The following SPOPL variants were observed in gnomAD, a reference collection of about 807,000 sequenced individuals.
SPOPL encodes speckle-type POZ protein-like.
SPOPL carries 23 observed loss-of-function variants against 53.8 expected under a neutral mutation model. The ratio of observed to expected loss-of-function variants is 0.43; its 90% CI spans 0.31 to 0.61. The LOEUF (loss-of-function observed/expected upper bound fraction) is 0.61. SPOPL is among the 20% of genes least tolerant of loss of function. The pLI is 0.12. For synonymous variants in SPOPL, 164 were observed against 149.7 expected (o/e 1.10, Z -0.70); for missense variants, 442 against 466.9 (o/e 0.95, Z 0.49).
At chr2:138,517,167 T>G (rs921160331) in intron 1 of SPOPL, among the ~76,000 whole-genome samples, 4 of 152,232 alleles carry the variant, frequency 2.6e-5, no homozygotes, top group Non-Finnish European at 5.9e-5. Flanking sequence ...GGAAATAAAT[T>G]ACATAATTTT....
chr2:138,518,431 T>C (rs1255859277), intron 1 of SPOPL, among the ~76,000 whole-genome samples: 1 of 152,214 alleles, frequency 6.6e-6, no homozygotes, highest in Non-Finnish European at 1.5e-5. Context: ...AGTGAAGAAT[T>C]ATTCTCTTTC....
Position 138,564,942 on chromosome 2 carries a change from G to C in SPOPL, c.983G>C (p.Cys328Ser). ...KAQAIDFINR[C>S]SVLRQLGCKD... ...GTATGTTTAAATCTTCAATGCAGGT[G>C]CAGTGTACTTCGACAACTTGGGTGT... The change falls in exon 10 of 11, where the codon TGC becomes TCC. Residue 328 changes from cysteine to serine, a missense_variant and splice_region_variant. Cys to Ser is a moderately radical substitution (Grantham distance 112). Transcript: ENST00000280098. 1 of 1,614,078 alleles carries C rather than the reference G, an allele frequency of 6.2e-7. No individual in the cohort carries two copies. Among genetic ancestry groups the C allele is most frequent in the Non-Finnish European group, 8.5e-7 (1 of 1,180,000 alleles).
In SPOPL at chr2:138,563,080, A is replaced by G. The variant is rs187868491; in HGVS notation, c.838-1628A>G. ...GAATATATCTGACTTTTGTATTCAG[A>G]CTATATAAAGAATTCTCAAAACTCA... On this transcript the variant is annotated intron_variant, in intron 8 of 10. Coordinates refer to ENST00000280098, the MANE Select transcript of SPOPL (RefSeq NM_001001664.3). Among the ~76,000 whole-genome samples, 45 of 152,366 alleles carry G rather than the reference A, an allele frequency of 3.0e-4. 1 individual carries two copies. The highest frequency in any genetic ancestry group is 2.5e-3 in the Admixed American group (38 of 15,306).
intron 5 of SPOPL, among the ~76,000 whole-genome samples, chr2:138,555,131 G>GGAGTGT (rs1553471470): frequency 7.1e-6 from 1 of 140,090 alleles, no homozygotes; most frequent in Non-Finnish European, 1.5e-5. Flanking sequence ...AGGGTAGGAG[G>GGAGTGT]GTGTGTGTGT....
chr2:138,523,264 A>T (rs1375385324), intron 1 of SPOPL, among the ~76,000 whole-genome samples: 1 of 152,188 alleles, frequency 6.6e-6, no homozygotes, highest in Non-Finnish European at 1.5e-5. Context: ...TTTTAAAACC[A>T]TGAGATCTCA....
rs7598316 is a variant in SPOPL at position 138,569,485 on chromosome 2, A to G, written c.*405A>G. On this transcript the variant is annotated 3_prime_UTR_variant, in exon 11 of 11. Transcript: ENST00000280098. ...AAATGAATTTTATAGGGTTTGTCCT[A>G]TGCTATCTCAAAGTTTAAGTTCTCT... 18,881 of 155,436 alleles carry G rather than the reference A, an allele frequency of 0.12. 1,560 individuals carry two copies. The highest frequency in any genetic ancestry group is 0.23 in the African/African-American group (9,397 of 41,586). 9.6% of individuals were successfully genotyped at this position (155,436 alleles called of 1,614,324 possible).
chr2:138,546,340 C>T (rs1013353324), intron 1 of SPOPL, among the ~76,000 whole-genome samples: 3 of 152,154 alleles, frequency 2.0e-5, no homozygotes, highest in Non-Finnish European at 4.4e-5. Flanking sequence ...GTGTTTTTCT[C>T]TAGATCTTAG....
At chr2:138,562,187 G>A in intron 8 of SPOPL, among the ~76,000 whole-genome samples, 1 of 147,792 alleles carries the variant, frequency 6.8e-6, no homozygotes, top group Non-Finnish European at 1.5e-5. Context: ...TTCAGAAGTT[G>A]ACAAGCTGAT....
chr2:138,556,884 C>T (rs972153484), intron 5 of SPOPL, among the ~76,000 whole-genome samples: 1 of 152,128 alleles, frequency 6.6e-6, no homozygotes, highest in Non-Finnish European at 1.5e-5. Context: ...GGGCCAGGCA[C>T]GGTGGCTCAC....
At chr2:138,566,587 T>C (rs1479132994) in intron 10 of SPOPL, among the ~76,000 whole-genome samples, 1 of 152,210 alleles carries the variant, frequency 6.6e-6, no homozygotes, top group Non-Finnish European at 1.5e-5. Flanking sequence ...TTACTTTTAA[T>C]GGCAAAAACC....
intron 1 of SPOPL, among the ~76,000 whole-genome samples, chr2:138,523,893 G>A (rs1055762813): frequency 4.6e-5 from 7 of 152,210 alleles, no homozygotes; most frequent in Non-Finnish European, 7.4e-5. Context: ...CCAGGCGCAC[G>A]GTACAAACTG....
chr2:138,543,237 A>G lies in SPOPL; in HGVS notation c.-60-6920A>G, dbSNP rs555777589. 7.2e-5 allele frequency among the ~76,000 whole-genome samples: 11 copies of G among 152,146 alleles called. No individual in the cohort carries two copies. In the East Asian group the frequency reaches 1.9e-3, roughly 27 times the overall value. Reference sequence around the variant, plus strand: ...CTTGGAGTTGCTCTTCTCGAGGAGTATCTTTGTGGCATTCTCTGTATTTCC... The same window carrying G: ...CTTGGAGTTGCTCTTCTCGAGGAGTGTCTTTGTGGCATTCTCTGTATTTCC... On this transcript the variant is annotated intron_variant, in intron 1 of 10. Transcript: ENST00000280098.
intron 10 of SPOPL, among the ~76,000 whole-genome samples, chr2:138,568,554 T>A (rs376433604): frequency 1.8e-4 from 28 of 152,038 alleles, no homozygotes; most frequent in African/African-American, 6.3e-4. Flanking sequence ...TGAGATAGAA[T>A]TAGTAATGCA....
At chr2:138,550,678 T>G in intron 3 of SPOPL, 74 bp downstream of exon 3, 1 of 1,532,400 alleles carries the variant, frequency 6.5e-7, no homozygotes, top group Non-Finnish European at 8.8e-7. Flanking sequence ...GATTTTGTTA[T>G]CATTTTTCCT....
rs1022009980 is a variant in SPOPL, at chr2:138,540,954, G to C, written c.-60-9203G>C. On this transcript the variant is annotated intron_variant, in intron 1 of 10. Transcript: ENST00000280098. ...TTTATTGAGAATTTTTAGCATGAAG[G>C]GTTGTTGAATTTTGTCAAAGGCCTT... Among the ~76,000 whole-genome samples, 155 of 152,088 alleles carry C rather than the reference G, an allele frequency of 1.0e-3. 2 individuals are homozygous for C. Among genetic ancestry groups the C allele is most frequent in the African/African-American group, 3.4e-3 (139 of 41,478 alleles).
chr2:138,503,990 T>C (rs143136100), intron 1 of SPOPL, among the ~76,000 whole-genome samples: 22 of 152,208 alleles, frequency 1.4e-4, no homozygotes, highest in Middle Eastern at 3.2e-3. Flanking sequence ...TAAAAAATGC[T>C]GACAGTTTTT....
intron 1 of SPOPL, among the ~76,000 whole-genome samples, chr2:138,512,417 C>G (rs1049216306): frequency 1.3e-5 from 2 of 152,038 alleles, no homozygotes; most frequent in Non-Finnish European, 2.9e-5. Flanking sequence ...TCATAAGAAA[C>G]TGATTCAGAA....
chr2:138,545,118 G>A (rs1428522266), intron 1 of SPOPL, among the ~76,000 whole-genome samples: 1 of 152,054 alleles, frequency 6.6e-6, no homozygotes, highest in African/African-American at 2.4e-5. Context: ...CCTACCTCAG[G>A]GAAGCTCCAA....
intron 1 of SPOPL, among the ~76,000 whole-genome samples, chr2:138,544,553 C>T (rs778849013): frequency 4.6e-5 from 7 of 152,188 alleles, no homozygotes; most frequent in Non-Finnish European, 1.0e-4. Context: ...ACATAATTTC[C>T]TGGTGTGCCG....
Sources: gnomAD v4.1 joint callset for allele counts (sites outside exome capture counted in the v4.1 genomes callset) on GRCh38, gnomAD v4.1.1 for gene constraint, MANE v1.5 for transcripts, NCBI Gene and HGNC (gene_info 2026-07-23, HGNC 2026-07-21) for gene names.